Variants in PMFBP1 observed in about 807,000 individuals in gnomAD.
PMFBP1 encodes the protein polyamine modulated factor 1 binding protein 1, also known as polyamine-modulated factor 1-binding protein 1.
Under a neutral mutation model 137.8 loss-of-function variants are expected in PMFBP1, and 131 were observed. The ratio of observed to expected loss-of-function variants is 0.95; its 90% CI spans 0.82 to 1.10. The LOEUF (loss-of-function observed/expected upper bound fraction) is 1.10. Among genes scored for constraint, PMFBP1 ranks in the 50% least tolerant of loss-of-function variants. The pLI, the probability that PMFBP1 is intolerant of heterozygous loss-of-function variation, is 0.00. For synonymous variants in PMFBP1, 490 were observed against 450.4 expected (o/e 1.09, Z -1.11); for missense variants, 1,199 against 1,175.4 (o/e 1.02, Z -0.29).
chr16:72,199,746 G>T, the PMFBP1 span, among the ~76,000 whole-genome samples: 6 of 151,958 alleles, frequency 3.9e-5, 1 homozygote, highest in Admixed American at 2.6e-4. Flanking sequence ...CCTTTAGCAG[G>T]TCGGTCCCTC....
In PMFBP1 at chr16:72,140,472, G is replaced by A. The variant is rs147563947; in HGVS notation, c.747C>T (p.Val249=). 9 of 1,613,920 alleles carry A rather than the reference G, an allele frequency of 5.6e-6. No homozygotes were observed. Among genetic ancestry groups the A allele is most frequent in the Non-Finnish European group, 6.8e-6 (8 of 1,179,912 alleles). ...CTTGAATGAGATCATCCTGTTGAGAGACCTTTTGCCAGACTTCAGACAGTC... is the reference window on the plus strand; with the variant it reads ...CTTGAATGAGATCATCCTGTTGAGAAACCTTTTGCCAGACTTCAGACAGTC... ...QKRLSEVWQK[V]SQQDDLIQEL... Residue 249 remains valine (V), a synonymous_variant, in exon 6 of 21, where the codon GTC becomes GTT. Coordinates refer to ENST00000237353, the MANE Select transcript of PMFBP1 (RefSeq NM_031293.3).
chr16:72,233,500 G>A, the PMFBP1 span, among the ~76,000 whole-genome samples: 2 of 152,030 alleles, frequency 1.3e-5, no homozygotes, highest in South Asian at 2.1e-4. Context: ...GTGATGGGTT[G>A]GTAACTAATA....
chr16:72,185,831 T>C, the PMFBP1 span, among the ~76,000 whole-genome samples: 2 of 152,162 alleles, frequency 1.3e-5, no homozygotes, highest in African/African-American at 4.8e-5. Context: ...CTGGAATATT[T>C]TCAGTCCACA....
chr16:72,171,429 G>A (rs2043219034), intron 1 of PMFBP1, 161 bp from the exon 2 acceptor site: 2 of 525,794 alleles, frequency 3.8e-6, no homozygotes, highest in Non-Finnish European at 6.8e-6. Context: ...GTTTTTAAAA[G>A]GGTGTTAAAA....
the PMFBP1 span, among the ~76,000 whole-genome samples, chr16:72,186,460 G>A: frequency 3.9e-5 from 6 of 152,140 alleles, no homozygotes; most frequent in African/African-American, 1.4e-4. Flanking sequence ...GCTGAAGCTG[G>A]AAGAGAAGGA....
At chr16:72,223,398 A>G in the PMFBP1 span, among the ~76,000 whole-genome samples, 2 of 152,192 alleles carry the variant, frequency 1.3e-5, no homozygotes, top group Non-Finnish European at 2.9e-5. Flanking sequence ...CTGTTGGCTC[A>G]TCCTTAATTG....
upstream of PMFBP1, among the ~76,000 whole-genome samples, chr16:72,177,112 C>A (rs1038575967): frequency 6.6e-6 from 1 of 152,206 alleles, no homozygotes; most frequent in South Asian, 2.1e-4. Context: ...TTTTGAAGTA[C>A]ACAGTCCACC....
the PMFBP1 span, among the ~76,000 whole-genome samples, chr16:72,240,912 TGAGA>T: frequency 5.4e-4 from 80 of 148,442 alleles, no homozygotes; most frequent in South Asian, 1.1e-3. Flanking sequence ...GGTGTGTGTG[TGAGA>T]GAGAGAGAGA....
the PMFBP1 span, among the ~76,000 whole-genome samples, chr16:72,184,937 C>T: frequency 6.6e-6 from 1 of 152,190 alleles, no homozygotes; most frequent in Non-Finnish European, 1.5e-5. Flanking sequence ...CATTTGCTTG[C>T]CTAAAGCCTT....
chr16:72,214,045 C>CA, the PMFBP1 span, among the ~76,000 whole-genome samples: 1 of 151,998 alleles, frequency 6.6e-6, no homozygotes, highest in East Asian at 1.9e-4. Flanking sequence ...TTTAACATCA[C>CA]AAAAAAATTA....
At position 72,122,805 on chromosome 16, in the gene PMFBP1, G is replaced by A. The variant is rs531008601; in HGVS notation, c.2768+109C>T. 3.1e-6 allele frequency: 3 copies of A among 982,406 alleles called. No homozygotes were observed. The East Asian group carries it at 7.4e-5, about 24-fold the overall frequency. The allele number at this position is 982,406 out of a possible 1,614,324, so 60.9% of individuals were successfully genotyped here. A position where few individuals can be genotyped will look rare whatever the true frequency, so the allele number is the denominator to read the frequency against. ...CCTGGGGGTCTTTCCAAAGCACCAG[G>A]CCTTTCCTGGGCTGATCCCCCTATC... On this transcript the variant is annotated intron_variant, in intron 19 of 20. Coordinates refer to ENST00000237353, the MANE Select transcript of PMFBP1 (RefSeq NM_031293.3).
At chr16:72,221,051 C>G in the PMFBP1 span, among the ~76,000 whole-genome samples, 10 of 151,950 alleles carry the variant, frequency 6.6e-5, no homozygotes, top group Non-Finnish European at 1.3e-4. Context: ...GGAAGGAGAG[C>G]AGGGGTATGT....
rs1179962716 is a variant in PMFBP1 at position 72,171,177 on chromosome 16, A to T, written c.12+20T>A. ...AATGAATATTCAACTCCATGCATGT[A>T]GAGGAGTTAGGAGCCTTACCTCATC... On this transcript the variant is annotated intron_variant, in intron 2 of 20. Coordinates refer to ENST00000237353, the MANE Select transcript of PMFBP1 (RefSeq NM_031293.3). 1 of 1,611,326 alleles carries T rather than the reference A, an allele frequency of 6.2e-7. No individual in the cohort carries two copies. Among genetic ancestry groups the T allele is most frequent in the East Asian group, 2.2e-5 (1 of 44,878 alleles).
chr16:72,221,954 G>A, the PMFBP1 span, among the ~76,000 whole-genome samples: 27 of 152,314 alleles, frequency 1.8e-4, no homozygotes, highest in African/African-American at 6.0e-4. Flanking sequence ...AACAGTTATT[G>A]AGTAGCAGGC....
In PMFBP1 at chr16:72,140,586, A is replaced by AGAACATTTAAACATAATGGGTTTTTAT; in HGVS notation, c.637-5_637-4insATAAAAACCCATTATGTTTAAATGTTC. The AGAACATTTAAACATAATGGGTTTTTAT allele has an allele frequency of 6.2e-7, 1 of 1,609,248 alleles. No homozygotes were observed. The highest frequency in any genetic ancestry group is 8.5e-7 in the Non-Finnish European group (1 of 1,176,742). ...GATCACCCTTGTTCTCAGGCTCCTG[A>AGAACATTTAAACATAATGGGTTTTTAT]GAGATTTAAAAATAATGGGTTGATT... On this transcript the variant is annotated splice_polypyrimidine_tract_variant and splice_region_variant and intron_variant, in intron 5 of 20. Coordinates refer to ENST00000237353, the MANE Select transcript of PMFBP1 (RefSeq NM_031293.3).
Position 72,119,420 on chromosome 16 carries a change from G to T in PMFBP1, c.3008-66C>A. On this transcript the variant is annotated intron_variant, in intron 20 of 20. Transcript: ENST00000237353. ...GAAATTAACGAGGTGATTCCTCAAG[G>T]GCTGGCCGCATGGCCAGGCAGCTCT... is the stretch of plus-strand genomic sequence containing the variant. The T allele has an allele frequency of 1.9e-6, 3 of 1,613,522 alleles. No homozygotes were observed. In the South Asian group the frequency reaches 3.3e-5, roughly 18 times the overall value.
At chr16:72,123,187 C>T (rs1240848954) in intron 18 of PMFBP1, among the ~76,000 whole-genome samples, 199 bp from the exon 19 acceptor site, 2 of 152,148 alleles carry the variant, frequency 1.3e-5, no homozygotes, top group African/African-American at 4.8e-5. Context: ...AACTCCTATG[C>T]AAAATCCTGT....
At chr16:72,236,374 C>G in the PMFBP1 span, among the ~76,000 whole-genome samples, 24,488 of 152,064 alleles carry the variant, frequency 0.16, 2,955 homozygotes, top group African/African-American at 0.33. Flanking sequence ...AGTTTCTGTT[C>G]GCTACATTTA....
At chr16:72,202,192 G>A in the PMFBP1 span, among the ~76,000 whole-genome samples, 1 of 152,126 alleles carries the variant, frequency 6.6e-6, no homozygotes, top group Admixed American at 6.5e-5. Flanking sequence ...GGACAGGTGG[G>A]TTTAGACACT....
Sources: gnomAD v4.1 joint callset for allele counts (sites outside exome capture counted in the v4.1 genomes callset) on GRCh38, gnomAD v4.1.1 for gene constraint, MANE v1.5 for transcripts, NCBI Gene and HGNC (gene_info 2026-07-23, HGNC 2026-07-21) for gene names.